Variants in CEP250 observed in about 807,000 individuals in gnomAD.
CEP250 encodes centrosome-associated protein CEP250.
In CEP250, 242 loss-of-function variants were observed where a neutral mutation model predicts 315.7. The observed-to-expected ratio is 0.77, with a 90% confidence interval of 0.69 to 0.85. The LOEUF (loss-of-function observed/expected upper bound fraction) is 0.85. Ranked by LOEUF, CEP250 falls within the 40% of genes least tolerant of loss-of-function variation. The pLI is 0.00. For synonymous variants in CEP250, 1,088 were observed against 1,175.0 expected (o/e 0.93, Z 1.51); for missense variants, 2,515 against 2,886.4 (o/e 0.87, Z 2.95).
intron 15 of CEP250, 39 bp from the exon 16 acceptor site, chr20:35,476,410 T>C (rs2063174648): frequency 1.3e-6 from 2 of 1,592,206 alleles, no homozygotes; most frequent in African/African-American, 1.3e-5. Flanking sequence ...TCCAGGAAAA[T>C]TGGAAATATG....
intron 34 of CEP250, among the ~76,000 whole-genome samples, chr20:35,510,282 A>G (rs224382): frequency 0.98 from 148,677 of 152,310 alleles, 72,660 homozygotes; most frequent in Middle Eastern, 1. Context: ...AGGGAAAGGA[A>G]TAGGAAGAGG....
intron 1 of CEP250, among the ~76,000 whole-genome samples, chr20:35,456,070 T>C (rs1249619762): frequency 2.6e-5 from 4 of 151,732 alleles, no homozygotes; most frequent in African/African-American, 7.3e-5. Context: ...TAATTTTATG[T>C]TTTTAGTAGA....
intron 30 of CEP250, 39 bp downstream of exon 30, chr20:35,505,044 C>A: frequency 6.6e-7 from 1 of 1,518,306 alleles, no homozygotes; most frequent in South Asian, 1.3e-5. Flanking sequence ...AGGGGACACA[C>A]CCCTGTCTGG....
rs762648461 is a variant in CEP250, at chr20:35,493,517, C to G, written c.2978C>G (p.Ala993Gly). ...AARQHRDDLAALQEESSSLLQ... is the reference protein window; with the variant it reads ...AARQHRDDLAGLQEESSSLLQ... ...CGGCAGCACAGAGATGACCTTGCTG[C>G]CCTCCAAGAAGAGAGCAGCTCCCTG... is the stretch of plus-strand genomic sequence containing the variant. The change falls in exon 23 of 35, where the codon GCC becomes GGC. Residue 993 changes from alanine (A) to glycine (G), a missense_variant. Coordinates refer to ENST00000397527, the MANE Select transcript of CEP250 (RefSeq NM_007186.6). 2 of 1,608,276 alleles carry G rather than the reference C, an allele frequency of 1.2e-6. No individual in the cohort carries two copies. The highest frequency in any genetic ancestry group is 2.2e-5 in the South Asian group (2 of 90,020).
At chr20:35,476,158 C>T (rs2146829739) in intron 15 of CEP250, 1 of 302,468 alleles carries the variant, frequency 3.3e-6, no homozygotes, top group East Asian at 6.6e-5. Context: ...TTGACTCTTC[C>T]AAACTATATT....
intron 9 of CEP250, 87 bp from the exon 10 acceptor site, chr20:35,469,803 T>TTGGGGC (rs1266599793): frequency 1.8e-5 from 14 of 778,686 alleles, no homozygotes; most frequent in South Asian, 8.3e-5. Flanking sequence ...GTGGTTGGGG[T>TTGGGGC]TGGGGCTGGG....
chr20:35,490,894 C>T, intron 21 of CEP250, 90 bp downstream of exon 21: 16 of 1,456,042 alleles, frequency 1.1e-5, no homozygotes, highest in Non-Finnish European at 1.4e-5. Flanking sequence ...AGGAGTGCTG[C>T]AGAGGGGCTT....
chr20:35,483,657 C>T (rs949336679), intron 20 of CEP250, among the ~76,000 whole-genome samples: 1 of 151,990 alleles, frequency 6.6e-6, no homozygotes, highest in Non-Finnish European at 1.5e-5. Context: ...AGGTGCACGC[C>T]ACCATACCTG....
chr20:35,474,368 T>C (rs1340273037), intron 14 of CEP250, among the ~76,000 whole-genome samples: 2 of 152,218 alleles, frequency 1.3e-5, no homozygotes, highest in Non-Finnish European at 2.9e-5. Context: ...AAGTATGAGT[T>C]AAATAGAGTT....
intron 4 of CEP250, among the ~76,000 whole-genome samples, chr20:35,462,977 G>A (rs975219795): frequency 1.3e-5 from 2 of 152,048 alleles, no homozygotes; most frequent in Non-Finnish European, 2.9e-5. Context: ...AATTATCCAG[G>A]TTTCTTCAGC....
At position 35,466,904 on chromosome 20, in the gene CEP250, T is replaced by C. The variant is rs2296402; in HGVS notation, c.493-62T>C. ...TCAGTAGTCAGGAGGAATCCAAGAC[T>C]CTTGTGTTGGCAAAAGATAGCCCTC... On this transcript the variant is annotated intron_variant, in intron 7 of 34. Transcript: ENST00000397527. 286,590 of 1,028,150 alleles carry C rather than the reference T, an allele frequency of 0.28. 44,677 individuals carry two copies. The highest frequency in any genetic ancestry group is 0.49 in the South Asian group (38,713 of 78,492). The allele number at this position is 1,028,150 out of a possible 1,614,324, so 63.7% of individuals were successfully genotyped here. A position where few individuals can be genotyped will look rare whatever the true frequency, so the allele number is the denominator to read the frequency against.
At chr20:35,501,761 C>A in intron 28 of CEP250, 84 bp from the exon 29 acceptor site, 1 of 1,425,146 alleles carries the variant, frequency 7.0e-7, no homozygotes, top group Non-Finnish European at 9.4e-7. Flanking sequence ...TGTTCCCCAT[C>A]CTCCATCTGC....
chr20:35,467,274 G>C (rs942971751), intron 8 of CEP250, 30 bp from the exon 9 acceptor site: 2 of 1,600,922 alleles, frequency 1.2e-6, no homozygotes, highest in Non-Finnish European at 8.5e-7. Context: ...GTTCCTAGTG[G>C]AGTCTGCTGT....
chr20:35,455,414 T>A (rs2062594264), upstream of CEP250: 1 of 152,264 alleles, frequency 6.6e-6, no homozygotes, highest in East Asian at 1.9e-4. Flanking sequence ...CGGGGCCCGC[T>A]TGCCTCAGCT....
intron 23 of CEP250, 137 bp downstream of exon 23, chr20:35,493,709 A>G (rs918119141): frequency 5.1e-5 from 32 of 631,224 alleles, no homozygotes; most frequent in Non-Finnish European, 7.4e-5. Flanking sequence ...CACAGTACTG[A>G]GTGGAAAATT....
chr20:35,497,269 C>T (rs1013969866), intron 25 of CEP250, among the ~76,000 whole-genome samples: 2 of 152,136 alleles, frequency 1.3e-5, no homozygotes, highest in Admixed American at 6.5e-5. Flanking sequence ...ATTGTGTGAA[C>T]GTCAGCTTCT....
chr20:35,476,733 G>A, intron 16 of CEP250, 138 bp downstream of exon 16: 2 of 696,632 alleles, frequency 2.9e-6, no homozygotes, highest in Non-Finnish European at 4.6e-6. Flanking sequence ...TGTAAGGATT[G>A]GGCTTAGCCA....
Position 35,498,674 on chromosome 20 carries a change from C to T in CEP250, c.3735C>T (p.Leu1245=), listed in dbSNP as rs767457450. 6.2e-7 allele frequency: 1 copy of T among 1,604,848 alleles called. No individual in the cohort carries two copies. The highest frequency in any genetic ancestry group is 1.7e-5 in the Admixed American group (1 of 57,146). Residue 1245 remains leucine (L), a synonymous_variant, in exon 27 of 35, where the codon CTC becomes CTT. Transcript: ENST00000397527. ...ALSAEAVASA[L]HKLHQDLWKT... is the part of the protein sequence containing the mutation. ...CCGCTGAGGCAGTAGCATCTGCCCTCCACAAGCTTCATCAAGACCTGTGGA... is the reference window on the plus strand; with the variant it reads ...CCGCTGAGGCAGTAGCATCTGCCCTTCACAAGCTTCATCAAGACCTGTGGA...
Position 35,466,307 on chromosome 20 carries a change from T to C in CEP250, c.492+103T>C, listed in dbSNP as rs550653063. ...TTAACTTCAGGACTTGGATGAAAAC[T>C]GAGCTGTTGCTGTTAAAGTCCCTGA... On this transcript the variant is annotated intron_variant, in intron 7 of 34. Coordinates refer to ENST00000397527, the MANE Select transcript of CEP250 (RefSeq NM_007186.6). 26 of 1,337,560 alleles carry C rather than the reference T, an allele frequency of 1.9e-5. No homozygotes were observed. In the African/African-American group the frequency reaches 3.5e-4, roughly 18 times the overall value. The allele number at this position is 1,337,560 out of a possible 1,614,324, so 82.9% of individuals were successfully genotyped here. A position where few individuals can be genotyped will look rare whatever the true frequency, so the allele number is the denominator to read the frequency against.
Sources: gnomAD v4.1 joint callset for allele counts (sites outside exome capture counted in the v4.1 genomes callset) on GRCh38, gnomAD v4.1.1 for gene constraint, MANE v1.5 for transcripts, NCBI Gene and HGNC (gene_info 2026-07-23, HGNC 2026-07-21) for gene names.